TIMMDC1: variants seen among roughly 807,000 people sequenced by gnomAD.
TIMMDC1 encodes complex I assembly factor TIMMDC1, mitochondrial.
TIMMDC1 carries 25 observed loss-of-function variants against 32.6 expected under a neutral mutation model. The observed-to-expected ratio is 0.77, with a 90% CI of 0.56 to 1.07. The LOEUF is 1.07. Among genes scored for constraint, TIMMDC1 ranks in the 50% least tolerant of loss-of-function variants. The probability of loss-of-function intolerance (pLI) is 0.00; values close to 1 mark genes in which losing one functional copy is unlikely to be tolerated. For missense variants in TIMMDC1, 329 were observed against 349.2 expected, an observed-to-expected ratio of 0.94 and a Z score of 0.46; for synonymous variants, 130 against 127.6, an observed-to-expected ratio of 1.02 and a Z score of -0.13.
intron 4 of TIMMDC1, among the ~76,000 whole-genome samples, chr3:119,509,635 G>T: frequency 6.6e-6 from 1 of 151,974 alleles, no homozygotes; most frequent in East Asian, 1.9e-4. Context: ...TGTAATGATG[G>T]AATCATTTAA....
intron 4 of TIMMDC1, among the ~76,000 whole-genome samples, chr3:119,504,629 T>C (rs750173843): frequency 3.9e-5 from 6 of 152,126 alleles, no homozygotes; most frequent in Non-Finnish European, 2.9e-5. Flanking sequence ...AAATAGAAGG[T>C]ACAATGGTGA....
At chr3:119,518,408 C>G (rs1166429044) in intron 6 of TIMMDC1, among the ~76,000 whole-genome samples, 1 of 152,016 alleles carries the variant, frequency 6.6e-6, no homozygotes, top group Non-Finnish European at 1.5e-5. Flanking sequence ...CACACACACA[C>G]AGACACACAC....
At chr3:119,517,440 G>A (rs2081993309) in intron 6 of TIMMDC1, 125 bp downstream of exon 6, 8 of 633,894 alleles carry the variant, frequency 1.3e-5, no homozygotes, top group Non-Finnish European at 2.0e-5. Context: ...TTTTTACCAA[G>A]TCCTTCAACT....
chr3:119,514,131 TTTTG>T (rs143680648), intron 5 of TIMMDC1, among the ~76,000 whole-genome samples: 82,513 of 151,676 alleles, frequency 0.54, 22,600 homozygotes, highest in South Asian at 0.61. Context: ...ATTGTTAGGA[TTTTG>T]TTTGTTTTGC....
intron 4 of TIMMDC1, among the ~76,000 whole-genome samples, chr3:119,506,518 CA>C (rs202052248): frequency 0.072 from 8,125 of 112,800 alleles, 236 homozygotes; most frequent in Non-Finnish European, 0.094. Flanking sequence ...GACCCTGTCT[CA>C]AAAAAAAAAA....
chr3:119,516,291 C>T (rs1281719796), intron 5 of TIMMDC1, among the ~76,000 whole-genome samples: 1 of 95,486 alleles, frequency 1.0e-5, no homozygotes, highest in African/African-American at 2.8e-5. Flanking sequence ...TTTCTACTTT[C>T]TGTTTCTAAG....
intron 4 of TIMMDC1, 105 bp from the exon 5 acceptor site, chr3:119,513,536 A>T (rs2081967493): frequency 1.2e-6 from 1 of 822,366 alleles, no homozygotes; most frequent in South Asian, 1.5e-5. Context: ...TTAACATTGG[A>T]TTCAGAAAGC....
At chr3:119,504,471 G>A (rs1005801558) in intron 4 of TIMMDC1, among the ~76,000 whole-genome samples, 3 of 152,218 alleles carry the variant, frequency 2.0e-5, no homozygotes, top group Admixed American at 6.5e-5. Flanking sequence ...GGATAATAAC[G>A]TGGTGAGTGA....
chr3:119,523,838 G>T lies in TIMMDC1; in HGVS notation c.*82G>T. 2 of 1,376,098 alleles carry T rather than the reference G, an allele frequency of 1.5e-6. No individual in the cohort carries two copies. The highest frequency in any genetic ancestry group is 9.6e-7 in the Non-Finnish European group (1 of 1,042,036). 85.2% of individuals were successfully genotyped at this position (1,376,098 alleles called of 1,614,324 possible). ...AATGCCAACAGACAGGCCACTCTTT[G>T]GTCAGCCTGCTGACAAATTTAAGTG... On this transcript the variant is annotated 3_prime_UTR_variant, in exon 7 of 7. Transcript: ENST00000494664.
Position 119,500,849 on chromosome 3 carries a change from T to A in TIMMDC1, c.349T>A (p.Phe117Ile). ...QSQAEIYHNR[F>I]DAVQSAHRAA... ...CCAGGCAGAAATTTATCATAACCGG[T>A]TTGATGCTGTGGTATGTACTGGTGA... The change falls in exon 2 of 7, where the codon TTT (phenylalanine) becomes ATT (isoleucine). Residue 117 changes from phenylalanine (F) to isoleucine (I), a missense_variant. Physicochemically the swap from Phe to Ile is conservative, Grantham distance 21. Transcript: ENST00000494664. 6.2e-7 allele frequency: 1 copy of A among 1,613,820 alleles called. No homozygotes were observed.
rs547709321 is a variant in TIMMDC1, at chr3:119,509,962, G to T, written c.518-3679G>T. On this transcript the variant is annotated intron_variant, in intron 4 of 6. Coordinates refer to ENST00000494664, the MANE Select transcript of TIMMDC1 (RefSeq NM_016589.4). ...GCCTCCCAAAGTGCTGGGATTTCAG[G>T]CATGAACCACCGTGCCGGGCCACTA... Among the ~76,000 whole-genome samples the T allele has an allele frequency of 2.0e-5, 3 of 152,136 alleles. No homozygotes were observed. In the East Asian group the frequency reaches 5.8e-4, roughly 29 times the overall value.
chr3:119,500,631 G>C, intron 1 of TIMMDC1, 64 bp from the exon 2 acceptor site: 1 of 1,438,428 alleles, frequency 7.0e-7, no homozygotes. Flanking sequence ...TCTGATTATA[G>C]AGTCTCTTGG....
intron 6 of TIMMDC1, among the ~76,000 whole-genome samples, chr3:119,522,794 G>T (rs1012429053): frequency 9.0e-5 from 13 of 143,942 alleles, no homozygotes; most frequent in Admixed American, 6.9e-4. Flanking sequence ...GCATATACAC[G>T]TATGGGTGTT....
chr3:119,518,178 T>A (rs2081998401), intron 6 of TIMMDC1, among the ~76,000 whole-genome samples: 1 of 152,066 alleles, frequency 6.6e-6, no homozygotes, highest in Admixed American at 6.6e-5. Context: ...GATAGGGCAA[T>A]CAGACTGATA....
chr3:119,523,606 GA>G lies in TIMMDC1; in HGVS notation c.711del (p.Gly238AlafsTer33), dbSNP rs758130602. ...ATTTATCCTTTTTATCTGATTACAGGAAAGGCAGACTACAAGTTACTGAGCA... is the reference window on the plus strand; with the variant it reads ...ATTTATCCTTTTTATCTGATTACAGGAAGGCAGACTACAAGTTACTGAGCA... ...ALHELKLEEW[K>X]GRLQVTEHLP... On this transcript the variant is annotated frameshift_variant and splice_region_variant, in exon 7 of 7. Transcript: ENST00000494664. LOFTEE classifies it high-confidence loss of function. 1.3e-5 allele frequency: 20 copies of G among 1,596,976 alleles called. No homozygotes were observed. The highest frequency in any genetic ancestry group is 1.6e-5 in the Non-Finnish European group (19 of 1,173,892).
chr3:119,522,804 T>TGTGTGTGTG (rs1553780708), intron 6 of TIMMDC1, among the ~76,000 whole-genome samples: 10 of 148,758 alleles, frequency 6.7e-5, no homozygotes, highest in Non-Finnish European at 1.2e-4. Flanking sequence ...GTATGGGTGT[T>TGTGTGTGTG]TGTGTGTGTG....
chr3:119,506,533 A>C lies in TIMMDC1; in HGVS notation c.517+2512A>C, dbSNP rs1164532790. ...GACCCTGTCTCAAAAAAAAAAAAAA[A>C]ACTAGAAACCAAGGAATGATATGGT... On this transcript the variant is annotated intron_variant, in intron 4 of 6. Transcript: ENST00000494664. 2.0e-5 allele frequency among the ~76,000 whole-genome samples: 3 copies of C among 151,948 alleles called. No homozygotes were observed. The East Asian group carries it at 5.8e-4, about 29-fold the overall frequency.
rs1169902579 is a variant in TIMMDC1, at chr3:119,517,230, G to T, written c.622G>T (p.Ala208Ser). The T allele has an allele frequency of 1.2e-6, 2 of 1,613,250 alleles. No homozygotes were observed. Among genetic ancestry groups the T allele is most frequent in the Admixed American group, 1.7e-5 (1 of 59,986 alleles). The change falls in exon 6 of 7, where the codon GCA becomes TCA. Residue 208 changes from alanine (A) to serine (S), a missense_variant. Coordinates refer to ENST00000494664, the MANE Select transcript of TIMMDC1 (RefSeq NM_016589.4). ...CACTCCTGTAGGAGGCCTGCTGATGGCATTTCAGAAGTACTCTGGTGAGAC... is the reference window on the plus strand; with the variant it reads ...CACTCCTGTAGGAGGCCTGCTGATGTCATTTCAGAAGTACTCTGGTGAGAC... ...LGTPVGGLLM[A>S]FQKYSGETVQ... is the part of the protein sequence containing the mutation.
intron 3 of TIMMDC1, 105 bp from the exon 4 acceptor site, chr3:119,503,849 A>C (rs930455045): frequency 9.8e-7 from 1 of 1,018,600 alleles, no homozygotes. Flanking sequence ...AGGGATTGAT[A>C]TAGTAGGCTT....
Sources: gnomAD v4.1 joint callset for allele counts (sites outside exome capture counted in the v4.1 genomes callset) on GRCh38, gnomAD v4.1.1 for gene constraint, MANE v1.5 for transcripts, NCBI Gene and HGNC (gene_info 2026-07-23, HGNC 2026-07-21) for gene names.